NRG3: variants seen among roughly 807,000 people sequenced by gnomAD.
NRG3 encodes the protein pro-neuregulin-3, membrane-bound isoform.
A neutral mutation model predicts 66.9 loss-of-function variants in NRG3; 31 were observed. The observed-to-expected ratio is 0.46, with a 90% CI of 0.35 to 0.63. NRG3 has a LOEUF of 0.63. Ranked by LOEUF, NRG3 falls within the 20% of genes least tolerant of loss-of-function variation. The pLI, the probability that NRG3 is intolerant of heterozygous loss-of-function variation, is 0.00. For synonymous variants in NRG3, 393 were observed against 359.4 expected, an observed-to-expected ratio of 1.09 and a Z score of -1.06; for missense variants, 910 against 878.9, an observed-to-expected ratio of 1.04 and a Z score of -0.45.
intron 1 of NRG3, among the ~76,000 whole-genome samples, chr10:81,960,862 G>A (rs368616118): frequency 4.2e-4 from 64 of 151,958 alleles, no homozygotes; most frequent in African/African-American, 1.5e-3. Flanking sequence ...ACAAATCCCT[G>A]GCTTTAGGAA....
chr10:81,904,756 T>A (rs1844421844), intron 1 of NRG3, among the ~76,000 whole-genome samples: 1 of 152,174 alleles, frequency 6.6e-6, no homozygotes, highest in South Asian at 2.1e-4. Flanking sequence ...GGAGTACAGT[T>A]GTTTATCCCA....
intron 1 of NRG3, among the ~76,000 whole-genome samples, chr10:82,264,740 G>A (rs1429430623): frequency 4.6e-5 from 7 of 152,112 alleles, no homozygotes; most frequent in African/African-American, 1.2e-4. Flanking sequence ...TGGCCAAGGC[G>A]GGAAAATATT....
intron 2 of NRG3, among the ~76,000 whole-genome samples, chr10:82,731,499 G>T (rs763688357): frequency 2.6e-5 from 4 of 151,840 alleles, no homozygotes; most frequent in Non-Finnish European, 5.9e-5. Flanking sequence ...TAGATTCCAC[G>T]TATACGTGAT....
chr10:82,721,533 C>T (rs2057321152), intron 2 of NRG3, among the ~76,000 whole-genome samples: 1 of 152,162 alleles, frequency 6.6e-6, no homozygotes, highest in Non-Finnish European at 1.5e-5. Context: ...GTCAATTCTC[C>T]TGCCTCAGCC....
intron 4 of NRG3, among the ~76,000 whole-genome samples, chr10:82,882,573 T>C (rs1842400328): frequency 1.3e-5 from 2 of 152,196 alleles, no homozygotes; most frequent in Non-Finnish European, 2.9e-5. Flanking sequence ...AGCAATAATG[T>C]CACCAAATAA....
intron 2 of NRG3, among the ~76,000 whole-genome samples, chr10:82,553,441 G>A (rs1417901479): frequency 1.3e-5 from 2 of 151,994 alleles, no homozygotes; most frequent in Non-Finnish European, 2.9e-5. Context: ...AGTCTACAGT[G>A]CATCCATGAT....
At chr10:81,992,788 C>G (rs1316219174) in intron 1 of NRG3, among the ~76,000 whole-genome samples, 1 of 152,112 alleles carries the variant, frequency 6.6e-6, no homozygotes, top group Non-Finnish European at 1.5e-5. Flanking sequence ...TATAGACATT[C>G]TCTGTATGAT....
chr10:82,654,008 A>G (rs1317642952), intron 2 of NRG3, among the ~76,000 whole-genome samples: 5 of 152,192 alleles, frequency 3.3e-5, no homozygotes. Context: ...TTTGTAGCTG[A>G]AAAGTAAGCT....
chr10:82,678,610 T>C (rs1352789202), intron 2 of NRG3, among the ~76,000 whole-genome samples: 1 of 152,142 alleles, frequency 6.6e-6, no homozygotes, highest in African/African-American at 2.4e-5. Flanking sequence ...TTAAACCAAT[T>C]GTTATTTTAG....
chr10:82,831,179 C>CT (rs2062501751), intron 3 of NRG3, among the ~76,000 whole-genome samples: 1 of 152,052 alleles, frequency 6.6e-6, no homozygotes, highest in African/African-American at 2.4e-5. Flanking sequence ...GCCAGTGAGG[C>CT]CATGAAGAGA....
chr10:82,215,267 G>T (rs539715829), intron 1 of NRG3, among the ~76,000 whole-genome samples: 1 of 152,072 alleles, frequency 6.6e-6, no homozygotes, highest in African/African-American at 2.4e-5. Context: ...GAATTTCTTC[G>T]GTGATAGCAA....
intron 2 of NRG3, among the ~76,000 whole-genome samples, chr10:82,479,954 C>T (rs985117576): frequency 2.6e-5 from 4 of 152,236 alleles, no homozygotes; most frequent in East Asian, 1.9e-4. Context: ...GGCTACAGAG[C>T]GAGACTGCGT....
At chr10:82,158,841 A>C (rs1008716735) in intron 1 of NRG3, among the ~76,000 whole-genome samples, 1 of 151,832 alleles carries the variant, frequency 6.6e-6, no homozygotes, top group African/African-American at 2.4e-5. Context: ...TTTCCTTCTT[A>C]AACCTGATCA....
chr10:82,062,560 C>G (rs1011824499), intron 1 of NRG3, among the ~76,000 whole-genome samples: 2 of 150,880 alleles, frequency 1.3e-5, no homozygotes, highest in Non-Finnish European at 2.9e-5. Flanking sequence ...GAGCCAAGGT[C>G]ACGCTACTGC....
At chr10:82,669,248 GTAATAATAATAATAATAA>G (rs5786560) in intron 2 of NRG3, among the ~76,000 whole-genome samples, 30 of 143,024 alleles carry the variant, frequency 2.1e-4, no homozygotes, top group Admixed American at 5.6e-4. Flanking sequence ...ATTTATGATG[GTAATAATAATAATAATAA>G]TAATAATAAT....
At chr10:82,443,780 T>G (rs1259974240) in intron 2 of NRG3, among the ~76,000 whole-genome samples, 1 of 152,212 alleles carries the variant, frequency 6.6e-6, no homozygotes, top group Non-Finnish European at 1.5e-5. Context: ...AGGCAATATC[T>G]GTGCTCTAGC....
In NRG3 at chr10:82,685,438, A is replaced by G. The variant is rs1387481393; in HGVS notation, c.954-53139A>G. On this transcript the variant is annotated intron_variant, in intron 2 of 8. Transcript: ENST00000372141. ...GTACTCTTGGTCTGGAGGCCTGACC[A>G]GGACCTTAGGAACTTGTGATACAAA... Among the ~76,000 whole-genome samples the G allele has an allele frequency of 2.6e-5, 4 of 152,226 alleles. No homozygotes were observed. In the East Asian group the frequency reaches 7.7e-4, roughly 29 times the overall value.
At chr10:82,929,006 A>G (rs181573014) in intron 4 of NRG3, among the ~76,000 whole-genome samples, 12 of 152,304 alleles carry the variant, frequency 7.9e-5, no homozygotes, top group Admixed American at 2.6e-4. Context: ...AAAAACATGA[A>G]CTATCTATAG....
chr10:82,296,447 G>A (rs2080068367), intron 1 of NRG3, among the ~76,000 whole-genome samples: 1 of 152,168 alleles, frequency 6.6e-6, no homozygotes, highest in Non-Finnish European at 1.5e-5. Flanking sequence ...CGGCTAAGAT[G>A]ATGGTGGTGG....
Sources: allele counts gnomAD v4.1 joint callset (sites outside exome capture counted in the v4.1 genomes callset), GRCh38; gene constraint gnomAD v4.1.1; transcripts MANE v1.5; gene names NCBI Gene and HGNC (gene_info 2026-07-23, HGNC 2026-07-21).